Variants in NF1 observed in about 807,000 individuals in gnomAD.
NF1 encodes neurofibromin.
In NF1, 122 loss-of-function variants were observed where a neutral mutation model predicts 325.7. The observed-to-expected ratio is 0.37, with a 90% CI of 0.32 to 0.44. The LOEUF (loss-of-function observed/expected upper bound fraction) is 0.44, where lower values mean the gene tolerates loss of function less well. Among genes scored for constraint, NF1 ranks in the 20% least tolerant of loss-of-function variants. The pLI is 1.00. For missense variants in NF1, 2,140 were observed against 3,415.4 expected (o/e 0.63, Z 9.31); for synonymous variants, 1,091 against 1,186.0 (o/e 0.92, Z 1.65).
chr17:31,181,676 A>T (rs763288578), intron 6 of NF1, 34 bp from the exon 7 acceptor site: 6 of 1,499,424 alleles, frequency 4.0e-6, no homozygotes, highest in Admixed American at 1.7e-5. Context: ...ATTACAAAAA[A>T]TCACTGTAAA....
intron 14 of NF1, among the ~76,000 whole-genome samples, chr17:31,220,526 T>G (rs1004833487): frequency 6.6e-6 from 1 of 152,152 alleles, no homozygotes; most frequent in Admixed American, 6.5e-5. Flanking sequence ...AATAGAATAT[T>G]AAGAGAGCTT....
At chr17:31,274,735 TA>T (rs2067969828) in intron 36 of NF1, among the ~76,000 whole-genome samples, 2 of 376 alleles carry the variant, frequency 5.3e-3, no homozygotes, top group Non-Finnish European at 0.077. Flanking sequence ...TAGTTGGTAA[TA>T]GTAATAGTAA....
chr17:31,254,825 C>T (rs893288319), intron 31 of NF1, among the ~76,000 whole-genome samples: 1 of 151,978 alleles, frequency 6.6e-6, no homozygotes, highest in South Asian at 2.1e-4. Flanking sequence ...GTAATACGAG[C>T]TCCTCATGGA....
intron 7 of NF1, 46 bp from the exon 8 acceptor site, chr17:31,182,461 GA>G (rs749401541): frequency 1.9e-6 from 3 of 1,588,692 alleles, no homozygotes; most frequent in Admixed American, 3.4e-5. Context: ...TAATGCCAGG[GA>G]TTTTGTTCCT....
intron 48 of NF1, among the ~76,000 whole-genome samples, chr17:31,344,054 A>G (rs2151566350): frequency 6.6e-6 from 1 of 152,194 alleles, no homozygotes; most frequent in South Asian, 2.1e-4. Context: ...TATCTTACTG[A>G]TTTTCAAAAT....
intron 36 of NF1, among the ~76,000 whole-genome samples, chr17:31,285,314 A>T (rs2068205407): frequency 6.6e-6 from 1 of 151,730 alleles, no homozygotes; most frequent in Non-Finnish European, 1.5e-5. Flanking sequence ...TTCTGAAACA[A>T]CCATGTAAGA....
intron 47 of NF1, among the ~76,000 whole-genome samples, chr17:31,341,282 T>C (rs769324745): frequency 2.0e-5 from 3 of 152,058 alleles, no homozygotes; most frequent in Non-Finnish European, 4.4e-5. Context: ...CCCAGCACTT[T>C]GGGAGGCCAA....
At chr17:31,175,345 C>CTT (rs869113407) in intron 5 of NF1, among the ~76,000 whole-genome samples, 1,713 of 71,400 alleles carry the variant, frequency 0.024, 15 homozygotes, top group Non-Finnish European at 0.028. Flanking sequence ...TGTGCTTTTG[C>CTT]TTTTTTTTTT....
At chr17:31,217,612 AT>A (rs2066842686) in intron 13 of NF1, among the ~76,000 whole-genome samples, 1 of 152,004 alleles carries the variant, frequency 6.6e-6, no homozygotes, top group Non-Finnish European at 1.5e-5. Flanking sequence ...GCCAAACCAT[AT>A]ATTCTTGAAG....
intron 1 of NF1, among the ~76,000 whole-genome samples, chr17:31,144,059 G>A (rs564430047): frequency 2.0e-5 from 3 of 152,174 alleles, no homozygotes; most frequent in South Asian, 4.2e-4. Flanking sequence ...TCCTGACCTC[G>A]TGATCCGCCC....
chr17:31,241,472 G>C (rs181012876), intron 29 of NF1, among the ~76,000 whole-genome samples: 1 of 152,016 alleles, frequency 6.6e-6, no homozygotes, highest in Non-Finnish European at 1.5e-5. Flanking sequence ...TTTCACAGAT[G>C]ATATGTGTTA....
chr17:31,157,183 T>A (rs936142713), intron 2 of NF1, among the ~76,000 whole-genome samples: 2 of 152,114 alleles, frequency 1.3e-5, no homozygotes, highest in Non-Finnish European at 2.9e-5. Context: ...GAGACGAGGT[T>A]TCACTATTTT....
intron 1 of NF1, among the ~76,000 whole-genome samples, chr17:31,119,416 C>A (rs1434915713): frequency 6.7e-6 from 1 of 148,882 alleles, no homozygotes; most frequent in Non-Finnish European, 1.5e-5. Context: ...TAAATATCTT[C>A]TTTTGAGAAG....
intron 36 of NF1, among the ~76,000 whole-genome samples, chr17:31,281,070 A>G (rs1323100450): frequency 1.3e-5 from 2 of 152,228 alleles, no homozygotes; most frequent in East Asian, 1.9e-4. Context: ...TGGCTTATAA[A>G]AATATTTTTT....
intron 13 of NF1, among the ~76,000 whole-genome samples, chr17:31,215,945 GAGA>G (rs1301253527): frequency 3.3e-5 from 5 of 152,144 alleles, no homozygotes; most frequent in South Asian, 4.1e-4. Flanking sequence ...GTGGAGAGGA[GAGA>G]AGAAGGAACA....
chr17:31,102,347 CTTATTA>C (rs35244650), intron 1 of NF1, among the ~76,000 whole-genome samples: 13 of 151,502 alleles, frequency 8.6e-5, no homozygotes, highest in Admixed American at 2.0e-4. Flanking sequence ...TTCTTTATAG[CTTATTA>C]TTATTATTAT....
intron 40 of NF1, among the ~76,000 whole-genome samples, chr17:31,335,273 A>ATT (rs1311865827): frequency 0.12 from 146 of 1,186 alleles, 11 homozygotes; most frequent in Non-Finnish European, 0.12. Context: ...TCAAGGCATA[A>ATT]TTATATATAT....
intron 29 of NF1, among the ~76,000 whole-genome samples, chr17:31,236,818 C>A (rs2067212492): frequency 6.6e-6 from 1 of 152,104 alleles, no homozygotes; most frequent in Non-Finnish European, 1.5e-5. Context: ...TACCCACGAA[C>A]AAAGAAATAT....
chr17:31,106,636 G>T (rs1912890965), intron 1 of NF1, among the ~76,000 whole-genome samples: 1 of 152,182 alleles, frequency 6.6e-6, no homozygotes, highest in African/African-American at 2.4e-5. Flanking sequence ...TTAAGTTCAT[G>T]TTAGAGTATC....
Sources: gnomAD v4.1 joint callset for allele counts (sites outside exome capture counted in the v4.1 genomes callset) on GRCh38, gnomAD v4.1.1 for gene constraint, MANE v1.5 for transcripts, NCBI Gene and HGNC (gene_info 2026-07-23, HGNC 2026-07-21) for gene names.